ABCB1: variants seen among roughly 807,000 people sequenced by gnomAD.
The protein encoded by ABCB1 is ATP binding cassette subfamily B member 1.
Under a neutral mutation model 142.0 loss-of-function variants are expected in ABCB1, and 69 were observed. That is an observed-to-expected ratio of 0.49 (90% confidence interval 0.40 to 0.59). The LOEUF (loss-of-function observed/expected upper bound fraction) is 0.59, where lower values mean the gene tolerates loss of function less well. ABCB1 is among the 20% of genes least tolerant of loss of function. The pLI, the probability that ABCB1 is intolerant of heterozygous loss-of-function variation, is 0.00. For synonymous variants in ABCB1, 532 were observed against 539.2 expected, an observed-to-expected ratio of 0.99 and a Z score of 0.18; for missense variants, 1,326 against 1,554.7, an observed-to-expected ratio of 0.85 and a Z score of 2.47.
chr7:87,541,286 G>T, intron 18 of ABCB1, 71 bp downstream of exon 18: 1 of 1,075,764 alleles, frequency 9.3e-7, no homozygotes, highest in Non-Finnish European at 1.4e-6. Flanking sequence ...TTACACTGAT[G>T]TTTATAAATC....
chr7:87,516,693 C>T (rs1395157100), intron 23 of ABCB1, 28 bp from the exon 24 acceptor site: 2 of 1,591,858 alleles, frequency 1.3e-6, no homozygotes, highest in Non-Finnish European at 8.6e-7. Flanking sequence ...AAAACATGTG[C>T]ACAGCATTAC....
upstream of ABCB1, among the ~76,000 whole-genome samples, chr7:87,604,853 C>T (rs954569900): frequency 6.6e-6 from 1 of 152,232 alleles, no homozygotes; most frequent in Non-Finnish European, 1.5e-5. Flanking sequence ...CCATCTACTA[C>T]AGCCAGAAAT....
intron 1 of ABCB1, among the ~76,000 whole-genome samples, chr7:87,676,703 CAAAAAA>C (rs57480483): frequency 4.4e-5 from 2 of 45,432 alleles, no homozygotes; most frequent in African/African-American, 1.6e-4. Flanking sequence ...GACCCTGTCT[CAAAAAA>C]AAAAAAAAAA....
chr7:87,568,035 A>G (rs1202166), intron 5 of ABCB1, among the ~76,000 whole-genome samples: 95,229 of 150,878 alleles, frequency 0.63, 30,063 homozygotes, highest in South Asian at 0.75. Context: ...CCCAGGAAGC[A>G]GAGGTTGCCG....
intron 1 of ABCB1, chr7:87,629,269 T>C (rs1479392048): frequency 7.7e-6 from 2 of 258,978 alleles, no homozygotes; most frequent in Non-Finnish European, 1.5e-5. Flanking sequence ...GCTCTTTCAT[T>C]TAATGCCCAT....
chr7:87,515,321 C>T lies in ABCB1; in HGVS notation c.3192G>A (p.Gln1064=). 6.2e-7 allele frequency: 1 copy of T among 1,614,220 alleles called. No homozygotes were observed. The highest frequency in any genetic ancestry group is 8.5e-7 in the Non-Finnish European group (1 of 1,180,022). ...QGLSLEVKKG[Q]TLALVGSSGC... is the part of the protein sequence containing the mutation. ...CACTGCTGCCCACCAGAGCCAGCGT[C>T]TGGCCCTTCTTCACCTCCAGGCTCA... The change falls in exon 25 of 28, where the codon CAG becomes CAA. Residue 1064 remains glutamine (Q), a synonymous_variant. Transcript: ENST00000622132.
intron 14 of ABCB1, among the ~76,000 whole-genome samples, chr7:87,548,346 T>C (rs1445139089): frequency 8.3e-6 from 1 of 120,324 alleles, no homozygotes; most frequent in African/African-American, 3.3e-5. Context: ...GAGGGAGGGA[T>C]TGAGGGAGGG....
Position 87,566,860 on chromosome 7 carries a change from A to G in ABCB1, c.455T>C (p.Phe152Ser). Reference protein sequence around the residue: ...RQIHKIRKQFFHAIMRQEIGW... With the variant: ...RQIHKIRKQFSHAIMRQEIGW... Reference sequence around the variant, plus strand: ...TATCTCCTGTCGCATTATAGCATGAAAAAACTGTTTTCTAATTTTGTGTAT... The same window carrying G: ...TATCTCCTGTCGCATTATAGCATGAGAAAACTGTTTTCTAATTTTGTGTAT... Residue 152 changes from phenylalanine (F) to serine (S), a missense_variant, in exon 6 of 28, where the codon TTT becomes TCT. Coordinates refer to ENST00000622132, the MANE Select transcript of ABCB1 (RefSeq NM_001348946.2). The G allele has an allele frequency of 1.2e-6, 2 of 1,614,176 alleles. No homozygotes were observed. The highest frequency in any genetic ancestry group is 1.7e-6 in the Non-Finnish European group (2 of 1,180,032).
intron 4 of ABCB1, among the ~76,000 whole-genome samples, chr7:87,584,055 C>G (rs1371292161): frequency 3.9e-5 from 6 of 152,178 alleles, no homozygotes; most frequent in Admixed American, 6.5e-5. Flanking sequence ...GGTGCAGCAT[C>G]TTTCTGCAGG....
At chr7:87,619,678 T>G (rs1285497087) in intron 1 of ABCB1, among the ~76,000 whole-genome samples, 1 of 152,100 alleles carries the variant, frequency 6.6e-6, no homozygotes, top group African/African-American at 2.4e-5. Flanking sequence ...TGCTGTCCAA[T>G]TTTTGAACAC....
At chr7:87,652,472 C>G (rs1284349710) in intron 1 of ABCB1, among the ~76,000 whole-genome samples, 1 of 151,852 alleles carries the variant, frequency 6.6e-6, no homozygotes, top group Non-Finnish European at 1.5e-5. Flanking sequence ...TACTATAATG[C>G]AAATAGAATC....
intron 5 of ABCB1, among the ~76,000 whole-genome samples, chr7:87,568,409 A>G (rs546707714): frequency 2.8e-5 from 4 of 141,092 alleles, no homozygotes; most frequent in Admixed American, 2.0e-4. Context: ...GTAAAACTCC[A>G]TCTCAAAAAA....
chr7:87,616,795 G>T (rs960665171), intron 1 of ABCB1, among the ~76,000 whole-genome samples: 1 of 152,166 alleles, frequency 6.6e-6, no homozygotes, highest in Non-Finnish European at 1.5e-5. Context: ...AGAGCCATTT[G>T]TATATGCTCT....
chr7:87,693,662 A>G (rs1168139393), intron 1 of ABCB1, among the ~76,000 whole-genome samples: 1 of 152,168 alleles, frequency 6.6e-6, no homozygotes, highest in African/African-American at 2.4e-5. Context: ...CTGCTCACAT[A>G]TTTTTGACTT....
chr7:87,525,783 C>T (rs995751956), intron 21 of ABCB1, among the ~76,000 whole-genome samples: 3 of 151,898 alleles, frequency 2.0e-5, no homozygotes, highest in East Asian at 1.9e-4. Context: ...GAAGGGGAGG[C>T]GGGAAAGGCA....
intron 3 of ABCB1, among the ~76,000 whole-genome samples, chr7:87,591,466 CGT>C (rs1022163158): frequency 1.3e-5 from 2 of 152,060 alleles, no homozygotes; most frequent in African/African-American, 4.8e-5. Flanking sequence ...GACTGATACA[CGT>C]GTGTGTGTGT....
intron 14 of ABCB1, 81 bp from the exon 15 acceptor site, chr7:87,546,105 C>A: frequency 7.1e-7 from 1 of 1,417,028 alleles, no homozygotes; most frequent in Middle Eastern, 1.8e-4. Context: ...ATTTACTGAA[C>A]CAATGCTGTG....
Position 87,570,216 on chromosome 7 carries a change from G to A in ABCB1, c.294C>T (p.Ile98=), listed in dbSNP as rs1221350450. 4 of 1,612,732 alleles carry A rather than the reference G, an allele frequency of 2.5e-6. No individual in the cohort carries two copies. The Admixed American group carries it at 5.0e-5, about 20-fold the overall frequency. The change falls in exon 5 of 28, where the codon ATC becomes ATT. Residue 98 remains isoleucine, a synonymous_variant. Coordinates refer to ENST00000622132, the MANE Select transcript of ABCB1 (RefSeq NM_001348946.2). ...GATTCATGAAGAACCCTGTATCATT[G>A]ATATCACCTAGACCACCACAAAACA... ...LMSNITNRSD[I]NDTGFFMNLE...
intron 1 of ABCB1, among the ~76,000 whole-genome samples, chr7:87,687,433 CTT>C (rs1827577561): frequency 6.6e-6 from 1 of 152,300 alleles, no homozygotes; most frequent in South Asian, 2.1e-4. Context: ...CTCCTGACCT[CTT>C]TCCCCTGAGT....
Sources: gnomAD v4.1 joint callset for allele counts (sites outside exome capture counted in the v4.1 genomes callset) on GRCh38, gnomAD v4.1.1 for gene constraint, MANE v1.5 for transcripts, NCBI Gene and HGNC (gene_info 2026-07-23, HGNC 2026-07-21) for gene names.